The following KCNMA1 variants were observed in gnomAD, a reference collection of about 807,000 sequenced individuals.
KCNMA1 encodes the protein potassium calcium-activated channel subfamily M alpha 1.
KCNMA1 carries 29 observed loss-of-function variants against 140.0 expected under a neutral mutation model. The observed-to-expected ratio is 0.21, with a 90% confidence interval of 0.15 to 0.28. The LOEUF (loss-of-function observed/expected upper bound fraction) is 0.28, where lower values mean the gene tolerates loss of function less well. Ranked by LOEUF, KCNMA1 falls within the 10% of genes least tolerant of loss-of-function variation. The pLI, the probability that KCNMA1 is intolerant of heterozygous loss-of-function variation, is 1.00. For missense variants in KCNMA1, 880 were observed against 1,602.2 expected, an observed-to-expected ratio of 0.55 and a Z score of 7.70; for synonymous variants, 612 against 611.9, an observed-to-expected ratio of 1.00 and a Z score of 0.00.
At chr10:77,499,420 TATACACACACACAC>T (rs2043044811) in intron 1 of KCNMA1, among the ~76,000 whole-genome samples, 1 of 142,796 alleles carries the variant, frequency 7.0e-6, no homozygotes, top group African/African-American at 2.8e-5. Flanking sequence ...TATATATATA[TATACACACACACAC>T]ATACACACAC....
chr10:76,976,430 G>C (rs1014057355), intron 19 of KCNMA1, among the ~76,000 whole-genome samples: 1 of 152,094 alleles, frequency 6.6e-6, no homozygotes, highest in Non-Finnish European at 1.5e-5. Flanking sequence ...CTCCATAGGA[G>C]AGAGAAAAAA....
chr10:77,462,825 C>T (rs572920926), intron 1 of KCNMA1, among the ~76,000 whole-genome samples: 8 of 152,250 alleles, frequency 5.3e-5, no homozygotes, highest in Non-Finnish European at 8.8e-5. Context: ...CTCAGGAAGC[C>T]GGTGCTGCCT....
intron 19 of KCNMA1, among the ~76,000 whole-genome samples, chr10:76,972,580 G>A (rs953400375): frequency 6.6e-6 from 1 of 152,194 alleles, no homozygotes; most frequent in Admixed American, 6.5e-5. Context: ...CCTCATTCTG[G>A]TAGTAAAGTT....
chr10:77,191,191 T>A (rs973300867), intron 3 of KCNMA1, among the ~76,000 whole-genome samples: 4 of 152,164 alleles, frequency 2.6e-5, no homozygotes, highest in Admixed American at 1.3e-4. Flanking sequence ...TGAGACAGAC[T>A]AATTTTAAAA....
intron 19 of KCNMA1, among the ~76,000 whole-genome samples, chr10:76,981,594 T>A (rs931266162): frequency 6.6e-6 from 1 of 151,754 alleles, no homozygotes; most frequent in Non-Finnish European, 1.5e-5. Context: ...CATGGCGGGG[T>A]AGAGAGGCAG....
chr10:77,197,740 G>T (rs891454479), intron 3 of KCNMA1, among the ~76,000 whole-genome samples: 2 of 152,160 alleles, frequency 1.3e-5, no homozygotes, highest in African/African-American at 2.4e-5. Flanking sequence ...AAAGGGGGAG[G>T]TTGCATCATG....
In KCNMA1 at chr10:77,163,115, G is replaced by A. The variant is rs147777148; in HGVS notation, c.808+20306C>T. 9.4e-3 allele frequency among the ~76,000 whole-genome samples: 1,438 copies of A among 152,254 alleles called. 20 individuals carry two copies. Among genetic ancestry groups the A allele is most frequent in the African/African-American group, 0.033 (1,388 of 41,558 alleles). ...AATCTTCCTCCTATAGCAGGGGTTGGTAAACTACAGCCTGTGAGACAAATC... is the reference window on the plus strand; with the variant it reads ...AATCTTCCTCCTATAGCAGGGGTTGATAAACTACAGCCTGTGAGACAAATC... On this transcript the variant is annotated intron_variant, in intron 5 of 27. Coordinates refer to ENST00000286628, the MANE Select transcript of KCNMA1 (RefSeq NM_001161352.2).
Position 77,265,516 on chromosome 10 carries a change from T to C in KCNMA1, c.541-14260A>G, listed in dbSNP as rs532866278. ...GGGTATAAAAACATTTTAAACTGTT[T>C]AGGTATGTGCCATTTGGACAAAATC... is the stretch of plus-strand genomic sequence containing the variant. On this transcript the variant is annotated intron_variant, in intron 2 of 27. Coordinates refer to ENST00000286628, the MANE Select transcript of KCNMA1 (RefSeq NM_001161352.2). Among the ~76,000 whole-genome samples the C allele has an allele frequency of 2.6e-5, 4 of 152,324 alleles. No individual in the cohort carries two copies. The South Asian group carries it at 6.2e-4, about 24-fold the overall frequency.
At chr10:77,633,122 C>T (rs1329360542) in intron 1 of KCNMA1, among the ~76,000 whole-genome samples, 8 of 152,186 alleles carry the variant, frequency 5.3e-5, no homozygotes, top group Non-Finnish European at 1.2e-4. Context: ...CAAGACAATC[C>T]TGGCCAATGT....
At chr10:77,582,128 C>A (rs2076055048) in intron 1 of KCNMA1, among the ~76,000 whole-genome samples, 1 of 152,214 alleles carries the variant, frequency 6.6e-6, no homozygotes, top group Non-Finnish European at 1.5e-5. Context: ...CCCAGACCCA[C>A]CAGGGCAAAA....
At chr10:77,612,519 G>A (rs544804265) in intron 1 of KCNMA1, among the ~76,000 whole-genome samples, 6 of 152,114 alleles carry the variant, frequency 3.9e-5, no homozygotes, top group Non-Finnish European at 7.3e-5. Flanking sequence ...GAATTCCTAG[G>A]AGCGCTTGTG....
At chr10:77,484,437 T>C (rs2098438595) in intron 1 of KCNMA1, among the ~76,000 whole-genome samples, 1 of 152,278 alleles carries the variant, frequency 6.6e-6, no homozygotes, top group Admixed American at 6.5e-5. Flanking sequence ...AGGCTAGATA[T>C]GCAGTAACTC....
Position 77,108,956 on chromosome 10 carries a change from G to C in KCNMA1, c.1132-384C>G, listed in dbSNP as rs1275020677. The stretch of plus-strand genomic sequence containing the variant: ...TGCACAGACACACACAGTTTCGCAA[G>C]AGAAGATCTTCCTTTGTCATTAAAA... On this transcript the variant is annotated intron_variant, in intron 8 of 27. Coordinates refer to ENST00000286628, the MANE Select transcript of KCNMA1 (RefSeq NM_001161352.2). This position sits in a 1 kb window ranked among gnomAD's most constrained non-coding sequence, Gnocchi z 4.6. 2.0e-5 allele frequency among the ~76,000 whole-genome samples: 3 copies of C among 151,958 alleles called. No homozygotes were observed. In the East Asian group the frequency reaches 5.8e-4, roughly 29 times the overall value.
rs190507865 is a variant in KCNMA1 at position 77,228,111 on chromosome 10, C to T, written c.602+23084G>A. ...TCCTGAGTAGCTGGGATTACAGGCACGTGCCACCACGCCTGGCTAATTTTT... is the reference window on the plus strand; with the variant it reads ...TCCTGAGTAGCTGGGATTACAGGCATGTGCCACCACGCCTGGCTAATTTTT... On this transcript the variant is annotated intron_variant, in intron 3 of 27. Coordinates refer to ENST00000286628, the MANE Select transcript of KCNMA1 (RefSeq NM_001161352.2). Among the ~76,000 whole-genome samples, 52 of 151,988 alleles carry T rather than the reference C, an allele frequency of 3.4e-4. 1 individual carries two copies. The highest frequency in any genetic ancestry group is 8.7e-4 in the African/African-American group (36 of 41,452).
intron 25 of KCNMA1, among the ~76,000 whole-genome samples, chr10:76,908,402 T>C (rs2048673436): frequency 1.3e-5 from 2 of 152,244 alleles, no homozygotes; most frequent in South Asian, 2.1e-4. Flanking sequence ...TGGCATGGCA[T>C]GAAGCCCAGT....
At chr10:76,956,593 T>C (rs2068405933) in intron 20 of KCNMA1, among the ~76,000 whole-genome samples, 1 of 152,126 alleles carries the variant, frequency 6.6e-6, no homozygotes, top group African/African-American at 2.4e-5. Context: ...AAGCAATCAA[T>C]AAGAATCCCC....
intron 1 of KCNMA1, among the ~76,000 whole-genome samples, chr10:77,577,995 A>G (rs1382134157): frequency 6.6e-6 from 1 of 152,206 alleles, no homozygotes; most frequent in Admixed American, 6.5e-5. Flanking sequence ...AGCTAGCTAT[A>G]ATTAGCAAAG....
chr10:77,447,535 C>T (rs1043406705), intron 1 of KCNMA1, among the ~76,000 whole-genome samples: 1 of 152,242 alleles, frequency 6.6e-6, no homozygotes, highest in African/African-American at 2.4e-5. Context: ...CTCTTTCAGG[C>T]ACACTCACAG....
chr10:77,568,839 T>C lies in KCNMA1; in HGVS notation c.378+68426A>G, dbSNP rs1280822581. On this transcript the variant is annotated intron_variant, in intron 1 of 27. Coordinates refer to ENST00000286628, the MANE Select transcript of KCNMA1 (RefSeq NM_001161352.2). ...ATGATTGTATATCTAGAAAACCCCA[T>C]TGTCTCAGCCCAAAATCTCCTTAAG... 2.6e-4 allele frequency among the ~76,000 whole-genome samples: 40 copies of C among 151,514 alleles called. No homozygotes were observed. In the South Asian group the frequency reaches 6.5e-3, roughly 25 times the overall value.
Sources: allele counts gnomAD v4.1 joint callset (sites outside exome capture counted in the v4.1 genomes callset), GRCh38; gene constraint gnomAD v4.1.1; non-coding constraint Gnocchi (gnomAD v3.1); transcripts MANE v1.5; gene names NCBI Gene and HGNC (gene_info 2026-07-23, HGNC 2026-07-21).